Variants in KHDRBS2 observed in about 807,000 individuals in gnomAD.
KHDRBS2 encodes the protein KH RNA binding domain containing, signal transduction associated 2.
A neutral mutation model predicts 44.3 loss-of-function variants in KHDRBS2; 26 were observed. The observed-to-expected ratio is 0.59, with a 90% CI of 0.43 to 0.81. The LOEUF (loss-of-function observed/expected upper bound fraction) is 0.81. Ranked by LOEUF, KHDRBS2 falls within the 40% of genes least tolerant of loss-of-function variation. The pLI is 0.00. For missense variants in KHDRBS2, 476 were observed against 433.1 expected (o/e 1.10, Z -0.88); for synonymous variants, 194 against 151.1 (o/e 1.28, Z -2.08).
chr6:61,627,847 T>C, the KHDRBS2 span, among the ~76,000 whole-genome samples: 1 of 152,176 alleles, frequency 6.6e-6, no homozygotes, highest in African/African-American at 2.4e-5. Context: ...TCTTGAACTC[T>C]GTAAGTTGTT....
At chr6:62,134,056 T>A (rs952659187) in intron 2 of KHDRBS2, among the ~76,000 whole-genome samples, 14 of 152,220 alleles carry the variant, frequency 9.2e-5, no homozygotes, top group Admixed American at 3.3e-4. Context: ...GCTGGCTGCA[T>A]AAATTTGCAT....
intron 1 of KHDRBS2, among the ~76,000 whole-genome samples, chr6:62,209,853 A>G (rs1240185685): frequency 1.3e-5 from 2 of 151,838 alleles, no homozygotes; most frequent in Non-Finnish European, 2.9e-5. Context: ...TAGCTTTTGG[A>G]CTCTTGAATT....
the KHDRBS2 span, among the ~76,000 whole-genome samples, chr6:61,666,311 T>C: frequency 6.6e-6 from 1 of 151,456 alleles, no homozygotes; most frequent in Non-Finnish European, 1.5e-5. Flanking sequence ...CTAGAAACAT[T>C]CTTTAGCATG....
intron 1 of KHDRBS2, among the ~76,000 whole-genome samples, chr6:62,238,515 CTT>C (rs1171511278): frequency 1.3e-5 from 2 of 151,922 alleles, no homozygotes; most frequent in African/African-American, 4.8e-5. Flanking sequence ...AACATCTAAA[CTT>C]AGTTCTGGAG....
chr6:61,689,843 A>G (rs1767200054), intron 8 of KHDRBS2, among the ~76,000 whole-genome samples: 3 of 151,994 alleles, frequency 2.0e-5, no homozygotes, highest in Non-Finnish European at 4.4e-5. Flanking sequence ...GAAGACACTG[A>G]TTGTGAGTCA....
At chr6:62,118,756 C>T (rs1456511740) in intron 2 of KHDRBS2, among the ~76,000 whole-genome samples, 1 of 152,164 alleles carries the variant, frequency 6.6e-6, no homozygotes, top group Non-Finnish European at 1.5e-5. Context: ...ATGCTGGATG[C>T]TTCCTGTCAC....
At chr6:62,151,252 G>C (rs1271001100) in intron 2 of KHDRBS2, among the ~76,000 whole-genome samples, 3 of 152,124 alleles carry the variant, frequency 2.0e-5, no homozygotes, top group South Asian at 2.1e-4. Context: ...CCCTGATTAA[G>C]TGGCCAATAG....
chr6:62,204,105 C>T (rs1366273173), intron 1 of KHDRBS2, among the ~76,000 whole-genome samples: 2 of 152,288 alleles, frequency 1.3e-5, no homozygotes, highest in Admixed American at 6.5e-5. Context: ...ATGCTGGTGT[C>T]ATCTTCCTTG....
intron 3 of KHDRBS2, among the ~76,000 whole-genome samples, chr6:62,030,511 C>T (rs1158119590): frequency 2.6e-5 from 4 of 151,790 alleles, no homozygotes; most frequent in Admixed American, 6.6e-5. Context: ...AATATTGGTA[C>T]CTTCATTTAG....
intron 6 of KHDRBS2, among the ~76,000 whole-genome samples, chr6:61,854,234 C>T (rs1002427019): frequency 1.3e-5 from 2 of 152,022 alleles, no homozygotes; most frequent in Non-Finnish European, 2.9e-5. Context: ...TTTGTTTTAA[C>T]ATCTTTGACT....
chr6:61,793,185 G>A (rs1784862724), intron 6 of KHDRBS2, among the ~76,000 whole-genome samples: 1 of 151,854 alleles, frequency 6.6e-6, no homozygotes, highest in East Asian at 1.9e-4. Flanking sequence ...TGTTGGGACA[G>A]TAAACTTATT....
At chr6:61,766,238 T>C (rs1365428785) in intron 6 of KHDRBS2, among the ~76,000 whole-genome samples, 1 of 152,020 alleles carries the variant, frequency 6.6e-6, no homozygotes, top group Non-Finnish European at 1.5e-5. Context: ...TATACGTTTC[T>C]TCTAGGTTTT....
chr6:61,894,689 T>G lies in KHDRBS2; in HGVS notation c.756A>C (p.Thr252=), dbSNP rs753646798. Residue 252 remains threonine, a synonymous_variant, in exon 6 of 9, where the codon ACA becomes ACC. Transcript: ENST00000281156. ...GAGGAGGTGCCCTGTATCCTGGCAC[T>G]GTTGGTGCCCCCCGGGCTCGAGGGG... ...VPTPRARGAP[T]VPGYRAPPPP... 6.2e-7 allele frequency: 1 copy of G among 1,613,542 alleles called. No homozygotes were observed. Among genetic ancestry groups the G allele is most frequent in the Non-Finnish European group, 8.5e-7 (1 of 1,179,798 alleles).
intron 6 of KHDRBS2, among the ~76,000 whole-genome samples, chr6:61,795,470 G>C (rs1785198528): frequency 6.7e-6 from 1 of 149,298 alleles, no homozygotes; most frequent in South Asian, 2.1e-4. Context: ...ACAAGTGCTT[G>C]CACATCTTAA....
intron 3 of KHDRBS2, among the ~76,000 whole-genome samples, chr6:62,040,229 C>T (rs1786156652): frequency 6.6e-6 from 1 of 151,840 alleles, no homozygotes; most frequent in South Asian, 2.1e-4. Flanking sequence ...TAAAAACAAA[C>T]ACCCAACAGA....
chr6:62,223,237 C>T (rs552016094), intron 1 of KHDRBS2, among the ~76,000 whole-genome samples: 5 of 152,352 alleles, frequency 3.3e-5, no homozygotes, highest in East Asian at 1.9e-4. Flanking sequence ...GGCTCAACAC[C>T]GCGTGGAGGC....
chr6:61,606,275 G>GTAAGAAA, the KHDRBS2 span, among the ~76,000 whole-genome samples: 1 of 152,196 alleles, frequency 6.6e-6, no homozygotes, highest in Non-Finnish European at 1.5e-5. Flanking sequence ...ACAAGTGAAA[G>GTAAGAAA]TAAGAAATTC....
intron 1 of KHDRBS2, among the ~76,000 whole-genome samples, chr6:62,256,687 A>T (rs1837442792): frequency 1.3e-5 from 2 of 152,060 alleles, no homozygotes; most frequent in South Asian, 4.1e-4. Flanking sequence ...AAGAATTTAA[A>T]TTATTCCTCT....
At chr6:62,064,345 A>C (rs1240731737) in intron 2 of KHDRBS2, among the ~76,000 whole-genome samples, 2 of 148,720 alleles carry the variant, frequency 1.3e-5, no homozygotes, top group African/African-American at 2.5e-5. Flanking sequence ...CCAAAAGAAC[A>C]AAGCTGGAGG....
Sources: gnomAD v4.1 joint callset for allele counts (sites outside exome capture counted in the v4.1 genomes callset) on GRCh38, gnomAD v4.1.1 for gene constraint, MANE v1.5 for transcripts, NCBI Gene and HGNC (gene_info 2026-07-23, HGNC 2026-07-21) for gene names.